The following TECRL variants were observed in gnomAD, a reference collection of about 807,000 sequenced individuals.
The protein encoded by TECRL is trans-2,3-enoyl-CoA reductase like.
A neutral mutation model predicts 52.8 loss-of-function variants in TECRL; 63 were observed. The observed-to-expected ratio is 1.19, with a 90% CI of 0.97 to 1.47. The LOEUF (loss-of-function observed/expected upper bound fraction) is 1.47. TECRL is among the 40% of genes most tolerant of loss of function. TECRL has a pLI of 0.00. For synonymous variants in TECRL, 164 were observed against 141.9 expected (o/e 1.16, Z -1.10); for missense variants, 482 against 429.6 (o/e 1.12, Z -1.08).
At position 64,409,182 on chromosome 4, in the gene TECRL, G is replaced by A. The variant is rs1440574072; in HGVS notation, c.170C>T (p.Thr57Met). The A allele has an allele frequency of 1.2e-6, 2 of 1,613,532 alleles. No homozygotes were observed. Among genetic ancestry groups the A allele is most frequent in the African/African-American group, 2.7e-5 (2 of 74,866 alleles). The stretch of plus-strand genomic sequence containing the variant: ...AAATATTTCAATCTCAAAGTGAGTC[G>A]TTTTTGAATGTTTGACTGCTGGAGT... ...RPTPAVKHSKTTHFEIEIFDA... is the reference protein window; with the variant it reads ...RPTPAVKHSKMTHFEIEIFDA... The change falls in exon 1 of 12, where the codon ACG becomes ATG. Residue 57 changes from threonine (T) to methionine (M), a missense_variant. Transcript: ENST00000381210.
At chr4:64,385,708 T>A (rs751115080) in intron 1 of TECRL, among the ~76,000 whole-genome samples, 4 of 152,070 alleles carry the variant, frequency 2.6e-5, no homozygotes, top group African/African-American at 7.2e-5. Flanking sequence ...CAGCAGCTAA[T>A]TTGAGTCTTA....
At chr4:64,322,845 C>A (rs796745993) in intron 3 of TECRL, 53 bp from the exon 4 acceptor site, 81 of 1,317,030 alleles carry the variant, frequency 6.2e-5, no homozygotes, top group South Asian at 1.8e-4. Flanking sequence ...CTTAGCATAA[C>A]GATAAAGAAT....
At chr4:64,284,209 T>C (rs1044744340) in intron 9 of TECRL, among the ~76,000 whole-genome samples, 1 of 152,040 alleles carries the variant, frequency 6.6e-6, no homozygotes, top group African/African-American at 2.4e-5. Flanking sequence ...ACTAATGATA[T>C]GCACCTGGAA....
At chr4:64,324,925 T>A (rs760299329) in intron 3 of TECRL, among the ~76,000 whole-genome samples, 3 of 152,190 alleles carry the variant, frequency 2.0e-5, no homozygotes, top group Non-Finnish European at 4.4e-5. Flanking sequence ...GTTCTGCATA[T>A]GATATAGGCT....
At chr4:64,347,049 A>G (rs1018223361) in intron 2 of TECRL, among the ~76,000 whole-genome samples, 1 of 152,204 alleles carries the variant, frequency 6.6e-6, no homozygotes, top group Non-Finnish European at 1.5e-5. Flanking sequence ...CTTTAAGTCA[A>G]GGACAGGTAT....
intron 1 of TECRL, among the ~76,000 whole-genome samples, chr4:64,384,745 G>A (rs1318094448): frequency 6.6e-6 from 1 of 152,088 alleles, no homozygotes; most frequent in East Asian, 1.9e-4. Context: ...CATACCCCTG[G>A]ACATTGTATA....
At chr4:64,325,232 A>G (rs1027654210) in intron 3 of TECRL, among the ~76,000 whole-genome samples, 4 of 152,174 alleles carry the variant, frequency 2.6e-5, no homozygotes, top group Non-Finnish European at 5.9e-5. Context: ...CAGACAAACA[A>G]ACATAAAATG....
intron 2 of TECRL, among the ~76,000 whole-genome samples, chr4:64,333,198 G>A (rs1450390434): frequency 1.3e-5 from 2 of 151,854 alleles, no homozygotes; most frequent in East Asian, 1.9e-4. Context: ...AACAAAAAAT[G>A]TCATAAATAT....
At chr4:64,348,876 G>T (rs549101623) in intron 2 of TECRL, among the ~76,000 whole-genome samples, 3 of 151,942 alleles carry the variant, frequency 2.0e-5, no homozygotes, top group Non-Finnish European at 4.4e-5. Flanking sequence ...TGTCCACTGC[G>T]CAGGTAATGG....
At chr4:64,294,518 C>T (rs1723573271) in intron 8 of TECRL, among the ~76,000 whole-genome samples, 1 of 151,880 alleles carries the variant, frequency 6.6e-6, no homozygotes, top group Non-Finnish European at 1.5e-5. Flanking sequence ...TAATAGGTAC[C>T]GACGAAGAAA....
chr4:64,382,345 ATACACACACACT>A (rs1450009273), intron 1 of TECRL, among the ~76,000 whole-genome samples: 1 of 146,170 alleles, frequency 6.8e-6, no homozygotes, highest in Non-Finnish European at 1.5e-5. Flanking sequence ...ATACACACAC[ATACACACACACT>A]TACACACACA....
chr4:64,328,724 T>A (rs1381540471), intron 2 of TECRL, among the ~76,000 whole-genome samples, 168 bp from the exon 3 acceptor site: 4 of 151,908 alleles, frequency 2.6e-5, no homozygotes, highest in Non-Finnish European at 4.4e-5. Context: ...TGACCAGCAA[T>A]GACGGATAGT....
intron 1 of TECRL, among the ~76,000 whole-genome samples, chr4:64,392,406 TCC>T (rs1723609960): frequency 6.6e-6 from 1 of 151,886 alleles, no homozygotes; most frequent in Non-Finnish European, 1.5e-5. Flanking sequence ...ACACAGCATA[TCC>T]TCAAGAAATG....
intron 2 of TECRL, among the ~76,000 whole-genome samples, chr4:64,341,718 G>A (rs1283697601): frequency 6.6e-6 from 1 of 152,166 alleles, no homozygotes; most frequent in Non-Finnish European, 1.5e-5. Context: ...CCAGAGCCAG[G>A]CCTGTGACTC....
chr4:64,285,304 T>C (rs1055504300), intron 9 of TECRL, among the ~76,000 whole-genome samples: 2 of 152,108 alleles, frequency 1.3e-5, no homozygotes, highest in Admixed American at 1.3e-4. Flanking sequence ...AGATACCCAA[T>C]AGAGTTGACT....
chr4:64,337,250 T>TA (rs764459255), intron 2 of TECRL, among the ~76,000 whole-genome samples: 37 of 152,228 alleles, frequency 2.4e-4, no homozygotes, highest in Non-Finnish European at 4.3e-4. Context: ...AAACTCTCAA[T>TA]AAATTAGGTA....
chr4:64,325,422 T>C (rs1718197343), intron 3 of TECRL, among the ~76,000 whole-genome samples: 1 of 152,174 alleles, frequency 6.6e-6, no homozygotes, highest in Non-Finnish European at 1.5e-5. Context: ...AGTGGCTTTT[T>C]GTCAAGAGTC....
Position 64,358,284 on chromosome 4 carries a change from G to A in TECRL, c.286+16888C>T, listed in dbSNP as rs183365284. Among the ~76,000 whole-genome samples, 162 of 151,748 alleles carry A rather than the reference G, an allele frequency of 1.1e-3. 4 individuals are homozygous for A. The East Asian group carries it at 0.026, about 25-fold the overall frequency. ...GAGCATAGCGAATATTTTAATGTATGATATGTCATAAATGTTTAGGAAATA... is the reference window on the plus strand; with the variant it reads ...GAGCATAGCGAATATTTTAATGTATAATATGTCATAAATGTTTAGGAAATA... On this transcript the variant is annotated intron_variant, in intron 2 of 11. Transcript: ENST00000381210.
chr4:64,405,598 T>C (rs1276660403), intron 1 of TECRL, among the ~76,000 whole-genome samples: 1 of 152,124 alleles, frequency 6.6e-6, no homozygotes, highest in Non-Finnish European at 1.5e-5. Flanking sequence ...TAAATCGATA[T>C]ATAGATATGT....
Sources: gnomAD v4.1 joint callset for allele counts (sites outside exome capture counted in the v4.1 genomes callset) on GRCh38, gnomAD v4.1.1 for gene constraint, MANE v1.5 for transcripts, NCBI Gene and HGNC (gene_info 2026-07-23, HGNC 2026-07-21) for gene names.